Variants in CXADR observed in about 807,000 individuals in gnomAD.
The protein encoded by CXADR is coxsackievirus and adenovirus receptor.
Under a neutral mutation model 40.3 loss-of-function variants are expected in CXADR, and 20 were observed. That is an observed-to-expected ratio of 0.50 (90% CI 0.35 to 0.72). CXADR has a LOEUF of 0.72. Among genes scored for constraint, CXADR ranks in the 30% least tolerant of loss-of-function variants. The pLI, the probability that CXADR is intolerant of heterozygous loss-of-function variation, is 0.01. For synonymous variants in CXADR, 150 were observed against 161.3 expected (o/e 0.93, Z 0.53); for missense variants, 332 against 449.1 (o/e 0.74, Z 2.36).
chr21:17,556,428 A>G (rs2061037328), intron 3 of CXADR, among the ~76,000 whole-genome samples: 1 of 152,026 alleles, frequency 6.6e-6, no homozygotes, highest in African/African-American at 2.4e-5. Flanking sequence ...TTAAATAACT[A>G]TCCGTTATTA....
intron 2 of CXADR, among the ~76,000 whole-genome samples, chr21:17,547,601 G>A (rs1233024400): frequency 6.6e-6 from 1 of 152,198 alleles, no homozygotes; most frequent in African/African-American, 2.4e-5. Context: ...ACGTTAGACA[G>A]AATTGAAATT....
At chr21:17,613,202 C>A in the CXADR span, 1 of 152,366 alleles carries the variant, frequency 6.6e-6, no homozygotes, top group African/African-American at 2.4e-5. Context: ...CCCGCCCGGC[C>A]GCCCTACGTG....
chr21:17,636,213 T>C, the CXADR span, among the ~76,000 whole-genome samples: 1 of 152,230 alleles, frequency 6.6e-6, no homozygotes. Context: ...TTTTGATAGA[T>C]GACAATATCG....
intron 4 of CXADR, 106 bp downstream of exon 4, chr21:17,559,237 C>T: frequency 8.7e-7 from 1 of 1,149,728 alleles, no homozygotes. Context: ...CACCCAGGCT[C>T]ACTGCAATCA....
At chr21:17,522,120 T>C (rs1017181427) in intron 1 of CXADR, among the ~76,000 whole-genome samples, 3 of 152,056 alleles carry the variant, frequency 2.0e-5, no homozygotes, top group Admixed American at 1.3e-4. Flanking sequence ...TAGCTGGGAC[T>C]ACAGGCACCT....
intron 1 of CXADR, among the ~76,000 whole-genome samples, chr21:17,541,746 G>T (rs1442513477): frequency 2.0e-5 from 3 of 151,816 alleles, no homozygotes; most frequent in African/African-American, 7.3e-5. Context: ...TCTTTTCATG[G>T]CTAGAGTATG....
chr21:17,519,999 A>G (rs1178583136), intron 1 of CXADR, among the ~76,000 whole-genome samples: 1 of 152,002 alleles, frequency 6.6e-6, no homozygotes, highest in Non-Finnish European at 1.5e-5. Context: ...ACACGCACGC[A>G]CATGCACACA....
At chr21:17,560,118 G>A (rs376279188) in intron 4 of CXADR, among the ~76,000 whole-genome samples, 4 of 152,062 alleles carry the variant, frequency 2.6e-5, no homozygotes, top group African/African-American at 4.8e-5. Context: ...AAGAAAACCC[G>A]TGTGACACTA....
At chr21:17,587,743 A>G (rs1190519544) in intron 7 of CXADR, among the ~76,000 whole-genome samples, 1 of 151,832 alleles carries the variant, frequency 6.6e-6, no homozygotes, top group East Asian at 1.9e-4. Flanking sequence ...TAGTTTAATT[A>G]GATCCCATTT....
At chr21:17,622,856 A>T in the CXADR span, among the ~76,000 whole-genome samples, 1 of 152,216 alleles carries the variant, frequency 6.6e-6, no homozygotes. Flanking sequence ...ATTCTAAGAC[A>T]CTAAAATGTT....
At chr21:17,585,558 G>GC (rs2061388944) in intron 7 of CXADR, among the ~76,000 whole-genome samples, 1 of 151,964 alleles carries the variant, frequency 6.6e-6, no homozygotes, top group African/African-American at 2.4e-5. Flanking sequence ...TCGCTCTGTC[G>GC]TCACGCTGGA....
At position 17,534,322 on chromosome 21, in the gene CXADR, C is replaced by T. The variant is rs2060725902; in HGVS notation, c.44-12705C>T. 2.0e-5 allele frequency among the ~76,000 whole-genome samples: 3 copies of T among 151,688 alleles called. No individual in the cohort carries two copies. In the East Asian group the frequency reaches 5.8e-4, roughly 29 times the overall value. ...ATGTGGGCCAGGCTGGTCTTGATGT[C>T]CTGACCTTGTGATCTGCCTGTCTCA... On this transcript the variant is annotated intron_variant, in intron 1 of 6. Coordinates refer to ENST00000284878, the MANE Select transcript of CXADR (RefSeq NM_001338.5).
chr21:17,595,545 C>T (rs1436506876), downstream of CXADR, among the ~76,000 whole-genome samples: 1 of 151,922 alleles, frequency 6.6e-6, no homozygotes, highest in Non-Finnish European at 1.5e-5. Context: ...CTGCTTTTTA[C>T]ATTTCATAAT....
At chr21:17,593,482 T>G (rs1203785078) in exon 8 of CXADR, 1 of 223,784 alleles carries the variant, frequency 4.5e-6, no homozygotes, top group African/African-American at 2.2e-5. Flanking sequence ...ACTTTTCATA[T>G]GCATATTCTG....
intron 5 of CXADR, among the ~76,000 whole-genome samples, 182 bp downstream of exon 5, chr21:17,561,006 ATATAT>A (rs1569129995): frequency 6.6e-6 from 1 of 152,194 alleles, no homozygotes; most frequent in Non-Finnish European, 1.5e-5. Context: ...AATTGCAATG[ATATAT>A]TAAGAAGGTA....
At chr21:17,532,295 A>C (rs1045065006) in intron 1 of CXADR, among the ~76,000 whole-genome samples, 1 of 152,116 alleles carries the variant, frequency 6.6e-6, no homozygotes, top group South Asian at 2.1e-4. Flanking sequence ...GTGTTTGGCT[A>C]TAAGATTTTT....
chr21:17,588,741 C>T (rs1398055263), intron 7 of CXADR, among the ~76,000 whole-genome samples: 1 of 152,090 alleles, frequency 6.6e-6, no homozygotes, highest in East Asian at 1.9e-4. Flanking sequence ...AAAATACTCT[C>T]TGCTCATTGT....
intron 2 of CXADR, among the ~76,000 whole-genome samples, chr21:17,549,203 GAAA>G (rs2060935740): frequency 6.6e-6 from 1 of 152,154 alleles, no homozygotes; most frequent in South Asian, 2.1e-4. Context: ...TGGCAAGGAG[GAAA>G]CAGAGGCCCA....
At chr21:17,535,593 G>A (rs185872376) in intron 1 of CXADR, among the ~76,000 whole-genome samples, 7 of 152,176 alleles carry the variant, frequency 4.6e-5, no homozygotes, top group Admixed American at 2.0e-4. Context: ...CTTATGACGG[G>A]TTTTGACATT....
Sources: allele counts gnomAD v4.1 joint callset (sites outside exome capture counted in the v4.1 genomes callset), GRCh38; gene constraint gnomAD v4.1.1; transcripts MANE v1.5; gene names NCBI Gene and HGNC (gene_info 2026-07-23, HGNC 2026-07-21).